The following RBM19 variants were observed in gnomAD, a reference collection of about 807,000 sequenced individuals.
RBM19 encodes probable RNA-binding protein 19.
A neutral mutation model predicts 116.8 loss-of-function variants in RBM19; 94 were observed. The observed-to-expected ratio is 0.80, with a 90% CI of 0.68 to 0.95. The LOEUF (loss-of-function observed/expected upper bound fraction) is 0.95, where lower values mean the gene tolerates loss of function less well. Among genes scored for constraint, RBM19 ranks in the 40% least tolerant of loss-of-function variants. RBM19 has a pLI of 0.00. For missense variants in RBM19, 1,161 were observed against 1,220.7 expected (o/e 0.95, Z 0.73); for synonymous variants, 475 against 494.1 (o/e 0.96, Z 0.51).
At chr12:113,856,038 T>C (rs1422733529) in intron 22 of RBM19, among the ~76,000 whole-genome samples, 1 of 152,178 alleles carries the variant, frequency 6.6e-6, no homozygotes, top group Non-Finnish European at 1.5e-5. Context: ...ACGAGTGCGT[T>C]CCATGGCACA....
intron 21 of RBM19, among the ~76,000 whole-genome samples, chr12:113,885,934 T>C (rs567820686): frequency 6.7e-6 from 1 of 148,288 alleles, no homozygotes; most frequent in South Asian, 2.2e-4. Context: ...AGTGGTGCAA[T>C]CTTGGCTCAC....
In RBM19 at chr12:113,924,703, T is replaced by C. The variant is rs963197211; in HGVS notation, c.2299A>G (p.Lys767Glu). Reference protein sequence around the residue: ...KSCSISKKKNKAGVLLSMGFG... With the variant: ...KSCSISKKKNEAGVLLSMGFG... Reference sequence around the variant, plus strand: ...CGAATTTCATGCGGAATACCTGCTTTGTTCTTCTTCTTGGAGATGGAGCAG... The same window carrying C: ...CGAATTTCATGCGGAATACCTGCTTCGTTCTTCTTCTTGGAGATGGAGCAG... The change falls in exon 18 of 24, where the codon AAA becomes GAA. Residue 767 changes from lysine (K) to glutamate (E), a missense_variant. Lys to Glu is a moderately conservative substitution (Grantham distance 56). Transcript: ENST00000261741. 6.5e-7 allele frequency: 1 copy of C among 1,544,282 alleles called. No individual in the cohort carries two copies. The highest frequency in any genetic ancestry group is 1.4e-5 in the African/African-American group (1 of 73,410).
At chr12:113,914,935 C>G in intron 21 of RBM19, 34 bp downstream of exon 21, 2 of 1,573,928 alleles carry the variant, frequency 1.3e-6, no homozygotes, top group Non-Finnish European at 1.7e-6. Flanking sequence ...CCCGCCCACA[C>G]GCCAGTCCCC....
chr12:113,902,900 G>A (rs1170626283), intron 21 of RBM19, among the ~76,000 whole-genome samples: 1 of 152,118 alleles, frequency 6.6e-6, no homozygotes, highest in Non-Finnish European at 1.5e-5. Context: ...CAGCTTTATT[G>A]AGATATAATT....
At position 113,914,966 on chromosome 12, in the gene RBM19, C is replaced by T. The variant is rs767306862; in HGVS notation, c.2558+3G>A. 7 of 1,611,800 alleles carry T rather than the reference C, an allele frequency of 4.3e-6. No individual in the cohort carries two copies. The Admixed American group carries it at 6.7e-5, about 15-fold the overall frequency. On this transcript the variant is annotated splice_donor_region_variant and intron_variant, in intron 21 of 23. Coordinates refer to ENST00000261741, the MANE Select transcript of RBM19 (RefSeq NM_016196.4). ...TCCCCTGGACTAAACCTGAAGTTCT[C>T]ACCTGAAGAGCTCTCGGATCTCCCG...
At chr12:113,960,018 G>C (rs371140710) in intron 3 of RBM19, 41 bp downstream of exon 3, 1 of 1,613,960 alleles carries the variant, frequency 6.2e-7, no homozygotes, top group Non-Finnish European at 8.5e-7. Context: ...TGACTACCCT[G>C]CTGGCAGTGG....
At position 113,917,889 on chromosome 12, in the gene RBM19, T is replaced by C. The variant is rs550802471; in HGVS notation, c.2441+503A>G. Among the ~76,000 whole-genome samples the C allele has an allele frequency of 7.2e-5, 11 of 152,320 alleles. No individual in the cohort carries two copies. In the East Asian group the frequency reaches 7.7e-4, roughly 11 times the overall value. ...TCCCCCTACTTCAGTATACTGGTCA[T>C]TGGGCAAATTGGTCTGCCTCCATCT... is the stretch of plus-strand genomic sequence containing the variant. On this transcript the variant is annotated intron_variant, in intron 20 of 23. Coordinates refer to ENST00000261741, the MANE Select transcript of RBM19 (RefSeq NM_016196.4).
Position 113,915,041 on chromosome 12 carries a change from T to G in RBM19, c.2486A>C (p.Gln829Pro), listed in dbSNP as rs767071962. The G allele has an allele frequency of 1.9e-6, 3 of 1,614,190 alleles. No homozygotes were observed. The South Asian group carries it at 3.3e-5, about 18-fold the overall frequency. ...CCGCACCAGGATCTTGGAGGTGGTC[T>G]GCTTTCTGGGAACTTGTTTCTTCCG... ...LARKKQVPRK[Q>P]TTSKILVRNI... The change falls in exon 21 of 24, where the codon CAG (glutamine) becomes CCG (proline). Residue 829 changes from glutamine (Q) to proline (P), a missense_variant. By Grantham distance (76) the Gln-to-Pro change is moderately conservative (BLOSUM62 -1). Coordinates refer to ENST00000261741, the MANE Select transcript of RBM19 (RefSeq NM_016196.4).
In RBM19 at chr12:113,918,458, A is replaced by C; in HGVS notation, c.2386-11T>G. The stretch of plus-strand genomic sequence containing the variant: ...GTCCACGACGTGACCCTAAGAGAGA[A>C]GACAACATGGCTCATCTCTCTGTCC... On this transcript the variant is annotated splice_polypyrimidine_tract_variant and intron_variant, in intron 19 of 23. Transcript: ENST00000261741. 1 of 1,613,854 alleles carries C rather than the reference A, an allele frequency of 6.2e-7. No individual in the cohort carries two copies. The highest frequency in any genetic ancestry group is 8.5e-7 in the Non-Finnish European group (1 of 1,179,752).
At chr12:113,933,412 C>T (rs926536205) in intron 16 of RBM19, among the ~76,000 whole-genome samples, 6 of 152,070 alleles carry the variant, frequency 3.9e-5, no homozygotes, top group African/African-American at 1.2e-4. Context: ...GCATGTGCTG[C>T]GTGCAGTGAG....
At chr12:113,915,783 G>C (rs1882735046) in intron 20 of RBM19, among the ~76,000 whole-genome samples, 1 of 152,190 alleles carries the variant, frequency 6.6e-6, no homozygotes, top group African/African-American at 2.4e-5. Context: ...TAATTTGATT[G>C]TTTGAAGATT....
chr12:113,876,746 G>A (rs748830027), intron 21 of RBM19, among the ~76,000 whole-genome samples: 23 of 152,176 alleles, frequency 1.5e-4, no homozygotes, highest in Admixed American at 5.9e-4. Flanking sequence ...AGCTGAGATC[G>A]TGCCACTGCA....
chr12:113,851,850 A>T (rs1877475947), intron 22 of RBM19, among the ~76,000 whole-genome samples: 1 of 151,524 alleles, frequency 6.6e-6, no homozygotes, highest in Non-Finnish European at 1.5e-5. Flanking sequence ...CAGGAGTTCG[A>T]GACTAGCCTG....
At chr12:113,950,490 G>A (rs1871376304) in intron 8 of RBM19, among the ~76,000 whole-genome samples, 1 of 152,198 alleles carries the variant, frequency 6.6e-6, no homozygotes, top group African/African-American at 2.4e-5. Flanking sequence ...AGAAGGGCCT[G>A]TGGCTACAGC....
At chr12:113,850,231 G>C (rs906158443) in intron 22 of RBM19, among the ~76,000 whole-genome samples, 1 of 152,174 alleles carries the variant, frequency 6.6e-6, no homozygotes, top group African/African-American at 2.4e-5. Flanking sequence ...TGCCTTGACC[G>C]GGGGACAGGT....
At chr12:113,946,952 G>A (rs1028486756) in intron 11 of RBM19, among the ~76,000 whole-genome samples, 1 of 152,258 alleles carries the variant, frequency 6.6e-6, no homozygotes, top group Non-Finnish European at 1.5e-5. Flanking sequence ...ACTGGGAAAA[G>A]AGAAGTTTCT....
intron 21 of RBM19, among the ~76,000 whole-genome samples, chr12:113,889,538 C>T (rs546033262): frequency 2.0e-5 from 3 of 152,314 alleles, no homozygotes; most frequent in Admixed American, 6.5e-5. Context: ...CCTGCAGTCA[C>T]TCTGCCTTTA....
chr12:113,877,814 T>C (rs1280770631), intron 21 of RBM19, among the ~76,000 whole-genome samples: 6 of 152,204 alleles, frequency 3.9e-5, no homozygotes, highest in Non-Finnish European at 7.3e-5. Context: ...GCACCTACTA[T>C]GTTCAGAACG....
In RBM19 at chr12:113,949,022, C is replaced by A; in HGVS notation, c.1087G>T (p.Glu363Ter). Residue 363 changes from glutamate (E) to a stop codon, truncating the protein, a stop_gained, in exon 10 of 24, where the codon GAG (glutamate) becomes TAG (stop). Transcript: ENST00000261741. LOFTEE classifies it high-confidence loss of function. The part of the protein sequence containing the change: ...NREYMGGRYI[E>*]VFREKNVPTT... The stretch of plus-strand genomic sequence containing the variant: ...GGGACGTTCTTTTCCCTGAACACCT[C>A]GATGTAGCGCCCACCTGCAATGAAG... 1 of 1,613,356 alleles carries A rather than the reference C, an allele frequency of 6.2e-7. No homozygotes were observed. The highest frequency in any genetic ancestry group is 8.5e-7 in the Non-Finnish European group (1 of 1,179,426).
Sources: allele counts gnomAD v4.1 joint callset (sites outside exome capture counted in the v4.1 genomes callset), GRCh38; gene constraint gnomAD v4.1.1; transcripts MANE v1.5; gene names NCBI Gene and HGNC (gene_info 2026-07-23, HGNC 2026-07-21).